The following MYOM2 variants were observed in gnomAD, a reference collection of about 807,000 sequenced individuals.
MYOM2 encodes the protein myomesin-2.
A neutral mutation model predicts 187.6 loss-of-function variants in MYOM2; 254 were observed. The observed-to-expected ratio is 1.35, with a 90% CI of 1.22 to 1.50. MYOM2 has a LOEUF of 1.50. Ranked by LOEUF, MYOM2 falls within the 40% of genes most tolerant of loss-of-function variation. MYOM2 has a pLI of 0.00. For missense variants in MYOM2, 2,796 were observed against 1,924.0 expected (o/e 1.45, Z -8.48); for synonymous variants, 981 against 753.8 (o/e 1.30, Z -4.94).
At chr8:2,092,212 G>A in intron 15 of MYOM2, 134 bp from the exon 16 acceptor site, 1 of 1,063,222 alleles carries the variant, frequency 9.4e-7, no homozygotes, top group Non-Finnish European at 1.4e-6. Context: ...CCTACTCCTG[G>A]ACCCCTTGTC....
chr8:2,066,959 T>C (rs1194250083), intron 6 of MYOM2, among the ~76,000 whole-genome samples: 1 of 152,202 alleles, frequency 6.6e-6, no homozygotes, highest in Non-Finnish European at 1.5e-5. Context: ...AACTAGAAGA[T>C]AATGTTCTTG....
intron 32 of MYOM2, among the ~76,000 whole-genome samples, chr8:2,134,968 G>A (rs1305847232): frequency 6.6e-6 from 1 of 152,120 alleles, no homozygotes; most frequent in African/African-American, 2.4e-5. Context: ...ACTGGGTGAT[G>A]TGTGAGTGCA....
intron 24 of MYOM2, 178 bp from the exon 25 acceptor site, chr8:2,109,217 G>T: frequency 2.8e-6 from 2 of 702,834 alleles, no homozygotes; most frequent in Non-Finnish European, 4.4e-6. Context: ...GGCTTTAGAG[G>T]CAACAACAGG....
At chr8:2,122,396 T>C (rs1797487154) in intron 28 of MYOM2, among the ~76,000 whole-genome samples, 1 of 152,194 alleles carries the variant, frequency 6.6e-6, no homozygotes, top group African/African-American at 2.4e-5. Context: ...CAAGTGTTAG[T>C]GAAACAGACG....
At chr8:2,112,617 A>G (rs1320498601) in intron 25 of MYOM2, among the ~76,000 whole-genome samples, 1 of 152,150 alleles carries the variant, frequency 6.6e-6, no homozygotes, top group Non-Finnish European at 1.5e-5. Flanking sequence ...GAACTTAGAA[A>G]CAATGCTGAA....
chr8:2,086,416 C>CACGTGGCCACA (rs1796062623), intron 14 of MYOM2, among the ~76,000 whole-genome samples: 1 of 131,932 alleles, frequency 7.6e-6, no homozygotes, highest in Admixed American at 7.4e-5. Context: ...GCGTGGCCTC[C>CACGTGGCCACA]CACTGTTGTG....
At chr8:2,130,737 G>C (rs1797835715) in intron 32 of MYOM2, among the ~76,000 whole-genome samples, 1 of 152,178 alleles carries the variant, frequency 6.6e-6, no homozygotes, top group Non-Finnish European at 1.5e-5. Context: ...TAAGGGATTT[G>C]TTAGGAAAGT....
At chr8:2,053,971 T>C (rs1011884620) in intron 3 of MYOM2, among the ~76,000 whole-genome samples, 2 of 152,048 alleles carry the variant, frequency 1.3e-5, no homozygotes, top group African/African-American at 4.8e-5. Flanking sequence ...CAAGTTCTAA[T>C]TGAGATTTAT....
chr8:2,101,278 G>A (rs148484112), intron 20 of MYOM2, among the ~76,000 whole-genome samples: 1,904 of 152,318 alleles, frequency 0.013, 22 homozygotes, highest in Middle Eastern at 0.02. Flanking sequence ...GCTTGAACCC[G>A]GGAGGCGGAG....
chr8:2,144,978 G>C lies in MYOM2; in HGVS notation c.4395G>C (p.Gln1465His), dbSNP rs775848657. ...CCGCGTCTGCCTCAGCGGCAGGCCAGTGAAGGCGTTTTCCTAGCCTGGAGA... is the reference window on the plus strand; with the variant it reads ...CCGCGTCTGCCTCAGCGGCAGGCCACTGAAGGCGTTTTCCTAGCCTGGAGA... ...LIPASASAAG[Q>H] The change falls in exon 37 of 37, where the codon CAG (glutamine) becomes CAC (histidine). Residue 1465 changes from glutamine to histidine, a missense_variant. By Grantham distance (24) the Gln-to-His change is conservative. Transcript: ENST00000262113. The C allele has an allele frequency of 1.2e-6, 2 of 1,613,218 alleles. No individual in the cohort carries two copies. The highest frequency in any genetic ancestry group is 1.7e-6 in the Non-Finnish European group (2 of 1,179,812).
intron 27 of MYOM2, among the ~76,000 whole-genome samples, chr8:2,117,158 T>C (rs1797276963): frequency 6.6e-6 from 1 of 152,238 alleles, no homozygotes. Flanking sequence ...ATTTTTATTA[T>C]TTTTCATTGT....
rs370619523 is a variant in MYOM2, at chr8:2,092,416, C to T, written c.1899C>T (p.Asp633=). 55 of 1,614,024 alleles carry T rather than the reference C, an allele frequency of 3.4e-5. No homozygotes were observed. The highest frequency in any genetic ancestry group is 4.5e-5 in the Non-Finnish European group (53 of 1,180,044). ...NTKTSVVVQW[D]RPKHEEDLLG... ...AGACGTCGGTGGTGGTGCAGTGGGACCGACCTAAGCATGAGGAGGACCTGC... is the reference window on the plus strand; with the variant it reads ...AGACGTCGGTGGTGGTGCAGTGGGATCGACCTAAGCATGAGGAGGACCTGC... The change falls in exon 16 of 37, where the codon GAC becomes GAT. Residue 633 remains aspartate, a synonymous_variant. Transcript: ENST00000262113.
intron 3 of MYOM2, among the ~76,000 whole-genome samples, chr8:2,056,341 G>A (rs1405415662): frequency 6.6e-6 from 1 of 152,166 alleles, no homozygotes; most frequent in Non-Finnish European, 1.5e-5. Context: ...AGAACAGCGA[G>A]CGTCCTAATT....
At position 2,144,695 on chromosome 8, in the gene MYOM2, A is replaced by G. The variant is rs763876833; in HGVS notation, c.4112A>G (p.Asn1371Ser). 6.2e-7 allele frequency: 1 copy of G among 1,613,640 alleles called. No individual in the cohort carries two copies. Among genetic ancestry groups the G allele is most frequent in the South Asian group, 1.1e-5 (1 of 91,062 alleles). ...TLNLTCTVFG[N>S]PDPEVIWFKN... Reference sequence around the variant, plus strand: ...AATCTGACCTGCACGGTGTTTGGAAACCCTGACCCCGAAGTGATTTGGTTC... The same window carrying G: ...AATCTGACCTGCACGGTGTTTGGAAGCCCTGACCCCGAAGTGATTTGGTTC... Residue 1371 changes from asparagine to serine, a missense_variant, in exon 37 of 37, where the codon AAC becomes AGC. Transcript: ENST00000262113.
intron 32 of MYOM2, among the ~76,000 whole-genome samples, chr8:2,137,848 T>C (rs2116910775): frequency 6.6e-6 from 1 of 152,280 alleles, no homozygotes; most frequent in East Asian, 1.9e-4. Context: ...TAAAGAAGTC[T>C]TTCTTAATCA....
chr8:2,064,983 G>T (rs1818969752), intron 6 of MYOM2, among the ~76,000 whole-genome samples: 1 of 152,232 alleles, frequency 6.6e-6, no homozygotes, highest in African/African-American at 2.4e-5. Flanking sequence ...TAGAGGAGAG[G>T]CCAGAAGGAA....
chr8:2,099,583 A>T (rs1464987412), intron 19 of MYOM2, among the ~76,000 whole-genome samples: 1 of 151,214 alleles, frequency 6.6e-6, no homozygotes, highest in Non-Finnish European at 1.5e-5. Context: ...TTTAGCTCGC[A>T]CTCTACTGGT....
rs57902888 is a variant in MYOM2 at position 2,055,111 on chromosome 8, C to G, written c.264-2237C>G. 2.3e-4 allele frequency among the ~76,000 whole-genome samples: 5 copies of G among 21,422 alleles called. 1 individual carries two copies. Among genetic ancestry groups the G allele is most frequent in the Admixed American group, 1.5e-3 (2 of 1,348 alleles). 14.1% of individuals were successfully genotyped at this position (21,422 alleles called of 152,430 possible). ...CGAAGTACCTGGATACTGGGGTAAC[C>G]AAGTACCTGGATACTGGGGTAACCA... On this transcript the variant is annotated intron_variant, in intron 3 of 36. Transcript: ENST00000262113.
At chr8:2,089,936 T>C in intron 14 of MYOM2, 72 bp from the exon 15 acceptor site, 1 of 1,464,798 alleles carries the variant, frequency 6.8e-7, no homozygotes, top group South Asian at 1.2e-5. Context: ...ACAGAGCATT[T>C]CTTCCTCCTC....
Sources: gnomAD v4.1 joint callset for allele counts (sites outside exome capture counted in the v4.1 genomes callset) on GRCh38, gnomAD v4.1.1 for gene constraint, MANE v1.5 for transcripts, NCBI Gene and HGNC (gene_info 2026-07-23, HGNC 2026-07-21) for gene names.